Variants in EEIG2 observed in about 807,000 individuals in gnomAD.
The protein encoded by EEIG2 is family with sequence similarity 102 member B.
the EEIG2 span, among the ~76,000 whole-genome samples, chr1:108,588,089 A>C: frequency 6.6e-6 from 1 of 151,760 alleles, no homozygotes; most frequent in South Asian, 2.1e-4. Context: ...TACATCCCAC[A>C]TTTTCTTTAT....
chr1:108,628,438 C>T, the EEIG2 span: 22 of 1,614,012 alleles, frequency 1.4e-5, no homozygotes, highest in Non-Finnish European at 1.9e-5. Context: ...TCTCTGAGCT[C>T]TGCCACAGGA....
chr1:108,572,206 A>G, the EEIG2 span, among the ~76,000 whole-genome samples: 20 of 152,292 alleles, frequency 1.3e-4, no homozygotes, highest in East Asian at 2.1e-3. Context: ...CATGAATCCT[A>G]TTCTTCACAT....
At chr1:108,630,481 C>T in the EEIG2 span, among the ~76,000 whole-genome samples, 3 of 152,164 alleles carry the variant, frequency 2.0e-5, no homozygotes, top group South Asian at 4.2e-4. Flanking sequence ...TGTTAAATGA[C>T]GAGTTAATGG....
At chr1:108,591,017 A>G in the EEIG2 span, among the ~76,000 whole-genome samples, 2 of 152,206 alleles carry the variant, frequency 1.3e-5, no homozygotes, top group African/African-American at 4.8e-5. Context: ...CAGCAGCTGT[A>G]TCACTTTATC....
At chr1:108,636,907 A>G in the EEIG2 span, 1 of 150,368 alleles carries the variant, frequency 6.7e-6, no homozygotes, top group East Asian at 1.9e-4. Flanking sequence ...TTTTAAAAAC[A>G]TATTTTTCTA....
At chr1:108,594,656 A>G in the EEIG2 span, among the ~76,000 whole-genome samples, 1 of 152,218 alleles carries the variant, frequency 6.6e-6, no homozygotes, top group Non-Finnish European at 1.5e-5. Context: ...TAATCACTCA[A>G]TAAGTGCTGT....
At chr1:108,569,292 C>T in the EEIG2 span, among the ~76,000 whole-genome samples, 2 of 152,274 alleles carry the variant, frequency 1.3e-5, no homozygotes, top group African/African-American at 2.4e-5. Context: ...TGTTATTCCT[C>T]GTTAGGAGGA....
the EEIG2 span, among the ~76,000 whole-genome samples, chr1:108,601,468 ATACT>A: frequency 4.0e-5 from 6 of 151,390 alleles, no homozygotes; most frequent in South Asian, 1.2e-3. Context: ...ATTACATAAA[ATACT>A]TAATATAATA....
chr1:108,585,716 G>A, the EEIG2 span, among the ~76,000 whole-genome samples: 4 of 152,016 alleles, frequency 2.6e-5, no homozygotes, highest in Non-Finnish European at 4.4e-5. Flanking sequence ...TACTTCATCC[G>A]CATAAGTGCT....
the EEIG2 span, among the ~76,000 whole-genome samples, chr1:108,606,553 AC>A: frequency 6.6e-6 from 1 of 151,982 alleles, no homozygotes. Context: ...TGCCAGGCCC[AC>A]CTCCCCCAAC....
the EEIG2 span, among the ~76,000 whole-genome samples, chr1:108,590,077 A>G: frequency 6.6e-6 from 1 of 152,108 alleles, no homozygotes; most frequent in African/African-American, 2.4e-5. Flanking sequence ...AAATATCCAA[A>G]ACTGGATTAT....
At chr1:108,576,453 C>G in the EEIG2 span, among the ~76,000 whole-genome samples, 5,018 of 121,218 alleles carry the variant, frequency 0.041, 427 homozygotes, top group African/African-American at 0.16. Context: ...CCCCTCCCCC[C>G]ACCCCACCAC....
chr1:108,612,230 C>T, the EEIG2 span: 2 of 1,613,758 alleles, frequency 1.2e-6, no homozygotes, highest in Non-Finnish European at 1.7e-6. Context: ...GGAAATACCA[C>T]TCGCCGCTGT....
At chr1:108,613,201 C>T in the EEIG2 span, among the ~76,000 whole-genome samples, 6 of 152,308 alleles carry the variant, frequency 3.9e-5, no homozygotes, top group African/African-American at 1.4e-4. Flanking sequence ...ATATAAACTT[C>T]TGTACACATC....
At chr1:108,570,395 A>G in the EEIG2 span, among the ~76,000 whole-genome samples, 2 of 152,316 alleles carry the variant, frequency 1.3e-5, no homozygotes, top group African/African-American at 4.8e-5. Context: ...CTAGGGAGCC[A>G]AAAGCAGGGA....
chr1:108,597,507 A>G, the EEIG2 span, among the ~76,000 whole-genome samples: 2 of 152,340 alleles, frequency 1.3e-5, no homozygotes, highest in Non-Finnish European at 2.9e-5. Flanking sequence ...AGAGGTCTGC[A>G]GTCTGACTAT....
chr1:108,560,404 A>G, the EEIG2 span: 1 of 1,453,416 alleles, frequency 6.9e-7, no homozygotes, highest in African/African-American at 1.6e-5. Flanking sequence ...CCGTGCGCCC[A>G]GCTTGCAGGC....
the EEIG2 span, chr1:108,627,931 T>A: frequency 2.0e-6 from 1 of 501,998 alleles, no homozygotes; most frequent in Non-Finnish European, 3.6e-6. Flanking sequence ...AGGACTGAAA[T>A]AATTTTTTAA....
At chr1:108,634,762 C>T in the EEIG2 span, among the ~76,000 whole-genome samples, 1 of 152,158 alleles carries the variant, frequency 6.6e-6, no homozygotes, top group African/African-American at 2.4e-5. Context: ...GATGCACTGC[C>T]AGAGTCAACA....
Sources: gnomAD v4.1 joint callset for allele counts (sites outside exome capture counted in the v4.1 genomes callset) on GRCh38, gnomAD v4.1.1 for gene constraint, MANE v1.5 for transcripts, NCBI Gene and HGNC (gene_info 2026-07-23, HGNC 2026-07-21) for gene names.